The following TBCK variants were observed in gnomAD, a reference collection of about 807,000 sequenced individuals.
TBCK encodes TBC1 domain containing kinase, also known as TBC domain-containing protein kinase-like protein.
A neutral mutation model predicts 113.4 loss-of-function variants in TBCK; 99 were observed. The ratio of observed to expected loss-of-function variants is 0.87; its 90% confidence interval spans 0.74 to 1.03. The LOEUF (loss-of-function observed/expected upper bound fraction) is 1.03. TBCK is among the 50% of genes least tolerant of loss of function. The probability of loss-of-function intolerance (pLI) is 0.00; values close to 1 mark genes in which losing one functional copy is unlikely to be tolerated. For synonymous variants in TBCK, 369 were observed against 370.8 expected (o/e 1.00, Z 0.05); for missense variants, 1,045 against 1,061.3 (o/e 0.98, Z 0.21).
intron 20 of TBCK, among the ~76,000 whole-genome samples, chr4:106,210,545 G>A (rs1176304640): frequency 1.3e-5 from 2 of 152,002 alleles, no homozygotes; most frequent in Non-Finnish European, 2.9e-5. Flanking sequence ...AATAAAATGA[G>A]CATTCCCTCT....
chr4:106,150,143 T>C (rs1215704584), intron 23 of TBCK, among the ~76,000 whole-genome samples: 2 of 151,972 alleles, frequency 1.3e-5, no homozygotes, highest in Admixed American at 1.3e-4. Flanking sequence ...GCTTAGAGAG[T>C]GAGTAGGCTG....
intron 23 of TBCK, among the ~76,000 whole-genome samples, chr4:106,145,802 A>G (rs184453631): frequency 1.2e-4 from 19 of 152,328 alleles, no homozygotes; most frequent in Admixed American, 1.2e-3. Flanking sequence ...GCAAATCTTA[A>G]TATCACTGAT....
At chr4:106,075,395 A>AATT (rs1427021674) in intron 25 of TBCK, among the ~76,000 whole-genome samples, 1 of 152,228 alleles carries the variant, frequency 6.6e-6, no homozygotes, top group East Asian at 1.9e-4. Context: ...AAGAAGAAAG[A>AATT]ATTATTTATC....
chr4:106,178,197 A>G (rs1439996563), intron 22 of TBCK, among the ~76,000 whole-genome samples: 1 of 151,972 alleles, frequency 6.6e-6, no homozygotes, highest in Non-Finnish European at 1.5e-5. Context: ...CTGAATTCGC[A>G]AATCTGTTCT....
At chr4:106,208,480 T>G (rs2149873234) in intron 20 of TBCK, among the ~76,000 whole-genome samples, 1 of 151,200 alleles carries the variant, frequency 6.6e-6, no homozygotes, top group East Asian at 2.0e-4. Flanking sequence ...ATTCTGAGCA[T>G]ATAAAAGCCC....
Position 106,095,546 on chromosome 4 carries a change from A to C in TBCK, c.2507T>G (p.Met836Arg). 1 of 1,614,166 alleles carries C rather than the reference A, an allele frequency of 6.2e-7. No individual in the cohort carries two copies. Among genetic ancestry groups the C allele is most frequent in the Non-Finnish European group, 8.5e-7 (1 of 1,180,002 alleles). ...GACCTTCCCTTTGAAGTTCTGGAGC[A>C]TAGCAGTGTAAGGGCCCTGGGTAAG... Reference protein sequence around the residue: ...GELTQGPYTAMLQNFKGKVIV... With the variant: ...GELTQGPYTARLQNFKGKVIV... Residue 836 changes from methionine (M) to arginine (R), a missense_variant, in exon 25 of 26, where the codon ATG (methionine) becomes AGG (arginine). Physicochemically the swap from Met to Arg is moderately conservative, Grantham distance 91 (BLOSUM62 -1). Coordinates refer to ENST00000394708, the MANE Select transcript of TBCK (RefSeq NM_001163435.3).
intron 22 of TBCK, 115 bp downstream of exon 22, chr4:106,193,494 C>T: frequency 9.6e-7 from 1 of 1,036,774 alleles, no homozygotes; most frequent in Non-Finnish European, 1.4e-6. Context: ...GATGATGAGG[C>T]CCAAACAGAA....
At chr4:106,192,404 T>C (rs1753765607) in intron 22 of TBCK, among the ~76,000 whole-genome samples, 1 of 150,946 alleles carries the variant, frequency 6.6e-6, no homozygotes, top group East Asian at 1.9e-4. Flanking sequence ...ATAAACAGTA[T>C]TCCCAGTTTG....
At chr4:106,066,269 A>G (rs7678847) in intron 25 of TBCK, among the ~76,000 whole-genome samples, 48,883 of 151,766 alleles carry the variant, frequency 0.32, 8,071 homozygotes, top group African/African-American at 0.37. Flanking sequence ...TGTCAAATGG[A>G]TGATTTTAAT....
chr4:106,193,717 T>C lies in TBCK; in HGVS notation c.1951A>G (p.Asn651Asp), dbSNP rs1310047427. The change falls in exon 22 of 26, where the codon AAT (asparagine) becomes GAT (aspartate). Residue 651 changes from asparagine (N) to aspartate (D), a missense_variant. Asn to Asp is a conservative substitution (Grantham distance 23). Coordinates refer to ENST00000394708, the MANE Select transcript of TBCK (RefSeq NM_001163435.3). Reference sequence around the variant, plus strand: ...CCAATACAGAATGGGAAAGAGGAATTCCCAAGTAGTAAGGTATCCCAGAGG... The same window carrying C: ...CCAATACAGAATGGGAAAGAGGAATCCCCAAGTAGTAAGGTATCCCAGAGG... ...FHLWDTLLLG[N>D]SSFPFCIGVA... The C allele has an allele frequency of 2.5e-6, 4 of 1,611,158 alleles. No individual in the cohort carries two copies. The highest frequency in any genetic ancestry group is 3.4e-6 in the Non-Finnish European group (4 of 1,178,996).
chr4:106,083,844 A>G (rs1739193306), intron 25 of TBCK, among the ~76,000 whole-genome samples: 1 of 152,192 alleles, frequency 6.6e-6, no homozygotes, highest in Admixed American at 6.5e-5. Flanking sequence ...GCCCTACAGA[A>G]GAGGGACTTG....
At chr4:106,098,448 C>A (rs1741179209) in intron 24 of TBCK, among the ~76,000 whole-genome samples, 1 of 151,986 alleles carries the variant, frequency 6.6e-6, no homozygotes, top group African/African-American at 2.4e-5. Flanking sequence ...GTAATCCCAA[C>A]AATGACATTA....
chr4:106,184,443 AATT>A (rs1478515852), intron 22 of TBCK, among the ~76,000 whole-genome samples: 3 of 152,034 alleles, frequency 2.0e-5, no homozygotes, highest in African/African-American at 4.8e-5. Flanking sequence ...ATGTATTAAT[AATT>A]AAGATAACCC....
intron 20 of TBCK, among the ~76,000 whole-genome samples, chr4:106,210,774 T>C (rs1461912437): frequency 6.6e-6 from 1 of 152,172 alleles, no homozygotes; most frequent in Non-Finnish European, 1.5e-5. Context: ...ACAGTAAACA[T>C]TTAATATGTA....
chr4:106,251,968 T>A lies in TBCK; in HGVS notation c.495A>T (p.Gly165=), dbSNP rs906796662. The part of the protein sequence containing the change: ...SYLAPEVIAQ[G]IFKTTDHMPS... ...GCATGTGATCAGTGGTTTTGAAAAT[T>A]CCCTGTGCAATTACCTCAGGGGCCA... The change falls in exon 6 of 26, where the codon GGA becomes GGT. Residue 165 remains glycine (G), a synonymous_variant. Transcript: ENST00000394708. 8.1e-6 allele frequency: 13 copies of A among 1,611,642 alleles called. No individual in the cohort carries two copies. The highest frequency in any genetic ancestry group is 1.1e-5 in the Non-Finnish European group (13 of 1,178,548).
At chr4:106,206,706 T>G (rs751006628) in intron 20 of TBCK, among the ~76,000 whole-genome samples, 11 of 152,188 alleles carry the variant, frequency 7.2e-5, no homozygotes, top group Non-Finnish European at 1.3e-4. Flanking sequence ...AACAACATAA[T>G]GAAGATAAAG....
At chr4:106,234,027 G>A (rs1214420054) in intron 15 of TBCK, among the ~76,000 whole-genome samples, 1 of 151,974 alleles carries the variant, frequency 6.6e-6, no homozygotes, top group Non-Finnish European at 1.5e-5. Flanking sequence ...GGCCTAAAGA[G>A]GTCATTTACG....
At chr4:106,257,739 G>A (rs1447430170) in intron 5 of TBCK, among the ~76,000 whole-genome samples, 2 of 151,932 alleles carry the variant, frequency 1.3e-5, no homozygotes, top group East Asian at 3.9e-4. Context: ...TATAATACCT[G>A]TGTTCTAATT....
In TBCK at chr4:106,140,156, G is replaced by A. The variant is rs1037969052; in HGVS notation, c.2236-23778C>T. Among the ~76,000 whole-genome samples, 11 of 140,438 alleles carry A rather than the reference G, an allele frequency of 7.8e-5. 3 individuals are homozygous for A. Among genetic ancestry groups the A allele is most frequent in the Admixed American group, 6.3e-4 (9 of 14,216 alleles). 92.1% of individuals were successfully genotyped at this position (140,438 alleles called of 152,430 possible). A position where few individuals can be genotyped will look rare whatever the true frequency, so the allele number is the denominator to read the frequency against. ...GGTTTACTTTAATATGCAATAAAAG[G>A]TAATCTAAGACAAGAAAAAGTATTT... is the stretch of plus-strand genomic sequence containing the variant. On this transcript the variant is annotated intron_variant, in intron 23 of 25. Coordinates refer to ENST00000394708, the MANE Select transcript of TBCK (RefSeq NM_001163435.3).
Sources: gnomAD v4.1 joint callset for allele counts (sites outside exome capture counted in the v4.1 genomes callset) on GRCh38, gnomAD v4.1.1 for gene constraint, MANE v1.5 for transcripts, NCBI Gene and HGNC (gene_info 2026-07-23, HGNC 2026-07-21) for gene names.